Variants in COL12A1 observed in about 807,000 individuals in gnomAD.
COL12A1 encodes the protein collagen type XII alpha 1 chain.
In COL12A1, 114 loss-of-function variants were observed where a neutral mutation model predicts 349.7. The observed-to-expected ratio is 0.33, with a 90% CI of 0.28 to 0.38. The LOEUF (loss-of-function observed/expected upper bound fraction) is 0.38. Among genes scored for constraint, COL12A1 ranks in the 10% least tolerant of loss-of-function variants. COL12A1 has a pLI of 1.00. For synonymous variants in COL12A1, 1,369 were observed against 1,329.0 expected (o/e 1.03, Z -0.66); for missense variants, 3,284 against 3,756.9 (o/e 0.87, Z 3.29).
Position 75,177,891 on chromosome 6 carries a change from C to T in COL12A1, c.2209G>A (p.Asp737Asn). Residue 737 changes from aspartate (D) to asparagine (N), a missense_variant, in exon 12 of 66, where the codon GAT (aspartate) becomes AAT (asparagine). By Grantham distance (23) the Asp-to-Asn change is conservative (BLOSUM62 1). Transcript: ENST00000322507. ...RNLKVTDETT[D>N]SFKITWTQAP... ...TGAGTCCAAGTAATTTTGAAACTAT[C>T]TGTAGTCTCATCTGTCACCTTTAGG... 6.2e-7 allele frequency: 1 copy of T among 1,612,964 alleles called. No individual in the cohort carries two copies. The highest frequency in any genetic ancestry group is 2.2e-5 in the East Asian group (1 of 44,874).
intron 26 of COL12A1, 143 bp from the exon 27 acceptor site, chr6:75,142,304 A>G: frequency 2.1e-6 from 2 of 940,744 alleles, no homozygotes; most frequent in Non-Finnish European, 3.2e-6. Flanking sequence ...ATGAGAATCC[A>G]GAAACTGGAC....
intron 57 of COL12A1, 122 bp from the exon 58 acceptor site, chr6:75,101,775 G>C: frequency 8.5e-7 from 1 of 1,173,756 alleles, no homozygotes; most frequent in South Asian, 1.5e-5. Context: ...CAGGAGAACA[G>C]AGCCAAGCAC....
At chr6:75,098,114 T>A (rs1457437273) in intron 58 of COL12A1, among the ~76,000 whole-genome samples, 2 of 152,240 alleles carry the variant, frequency 1.3e-5, no homozygotes, top group Non-Finnish European at 2.9e-5. Flanking sequence ...CATGAAAGTT[T>A]ACTACACATT....
In COL12A1 at chr6:75,175,280, G is replaced by A; in HGVS notation, c.2468C>T (p.Ser823Phe). ...VRGNPRDLRV[S>F]DPTTSTMKLS... The stretch of plus-strand genomic sequence containing the variant: ...TTTCATAGTAGACGTCGTAGGGTCA[G>A]AAACTCTTAAGTCTCTTGGATTCCC... Residue 823 changes from serine (S) to phenylalanine (F), a missense_variant, in exon 13 of 66, where the codon TCT (serine) becomes TTT (phenylalanine). Physicochemically the swap from Ser to Phe is radical, Grantham distance 155 (BLOSUM62 -2). Coordinates refer to ENST00000322507, the MANE Select transcript of COL12A1 (RefSeq NM_004370.6). 6.2e-7 allele frequency: 1 copy of A among 1,614,192 alleles called. No homozygotes were observed. The highest frequency in any genetic ancestry group is 1.3e-5 in the African/African-American group (1 of 75,058).
intron 3 of COL12A1, among the ~76,000 whole-genome samples, 197 bp from the exon 4 acceptor site, chr6:75,192,552 T>C (rs546654885): frequency 6.6e-6 from 1 of 152,256 alleles, no homozygotes; most frequent in East Asian, 1.9e-4. Context: ...GGACTGGTAT[T>C]GCTTTTATTT....
intron 52 of COL12A1, among the ~76,000 whole-genome samples, chr6:75,108,433 A>G: frequency 6.6e-6 from 1 of 152,084 alleles, no homozygotes; most frequent in South Asian, 2.1e-4. Context: ...TATGATGACA[A>G]CTTTAGATTT....
In COL12A1 at chr6:75,175,254, A is replaced by G; in HGVS notation, c.2494T>C (p.Leu832=). 6.2e-7 allele frequency: 1 copy of G among 1,614,160 alleles called. No homozygotes were observed. The highest frequency in any genetic ancestry group is 8.5e-7 in the Non-Finnish European group (1 of 1,180,032). ...VSDPTTSTMK[L]SWSGAPGKVK... is the part of the protein sequence containing the mutation. The stretch of plus-strand genomic sequence containing the variant: ...TTTCCTGGTGCCCCACTCCAAGATA[A>G]TTTCATAGTAGACGTCGTAGGGTCA... The change falls in exon 13 of 66, where the codon TTA becomes CTA. Residue 832 remains leucine (L), a synonymous_variant. Coordinates refer to ENST00000322507, the MANE Select transcript of COL12A1 (RefSeq NM_004370.6).
intron 17 of COL12A1, 143 bp from the exon 18 acceptor site, chr6:75,152,625 C>CCTG: frequency 1.2e-6 from 1 of 841,190 alleles, no homozygotes; most frequent in Non-Finnish European, 1.8e-6. Flanking sequence ...GAGTATAAGA[C>CCTG]TCTGAAAATA....
chr6:75,197,759 G>A (rs1283534357), intron 2 of COL12A1, among the ~76,000 whole-genome samples: 1 of 152,140 alleles, frequency 6.6e-6, no homozygotes, highest in African/African-American at 2.4e-5. Context: ...CCTGAATACT[G>A]ACAGTAAAGA....
rs1016330772 is a variant in COL12A1 at position 75,090,482 on chromosome 6, C to T, written c.8753-184G>A. On this transcript the variant is annotated intron_variant, in intron 62 of 65. Coordinates refer to ENST00000322507, the MANE Select transcript of COL12A1 (RefSeq NM_004370.6). This position sits in a 1 kb window ranked among gnomAD's most constrained non-coding sequence, Gnocchi z 4.1. The stretch of plus-strand genomic sequence containing the variant: ...CTAATCATCGAGGACAAAATGGTCC[C>T]TGATAAATAACTGTTTCCACAAAAT... Among the ~76,000 whole-genome samples the T allele has an allele frequency of 3.3e-5, 5 of 152,166 alleles. No individual in the cohort carries two copies. The highest frequency in any genetic ancestry group is 7.2e-5 in the African/African-American group (3 of 41,542).
At chr6:75,181,685 G>C (rs1456788575) in intron 10 of COL12A1, among the ~76,000 whole-genome samples, 2 of 151,902 alleles carry the variant, frequency 1.3e-5, no homozygotes, top group African/African-American at 2.4e-5. Flanking sequence ...AAACTTAGCA[G>C]TTATTAAACT....
chr6:75,117,350 G>C (rs752504540), intron 47 of COL12A1, 32 bp downstream of exon 47: 2 of 1,603,918 alleles, frequency 1.2e-6, no homozygotes, highest in Non-Finnish European at 1.7e-6. Context: ...CAGAATAAGT[G>C]AGGTTATAGA....
intron 22 of COL12A1, 99 bp downstream of exon 22, chr6:75,148,259 A>G: frequency 8.2e-7 from 1 of 1,216,392 alleles, no homozygotes; most frequent in Admixed American, 2.4e-5. Flanking sequence ...GCCCCTCTTC[A>G]TCCCTCTTGC....
chr6:75,157,173 T>C (rs942375738), intron 14 of COL12A1, among the ~76,000 whole-genome samples: 30 of 152,176 alleles, frequency 2.0e-4, no homozygotes, highest in African/African-American at 6.3e-4. Flanking sequence ...CGTTTACTAA[T>C]ATTTCACAAT....
chr6:75,103,541 T>C (rs1768403590), intron 55 of COL12A1, among the ~76,000 whole-genome samples: 1 of 152,220 alleles, frequency 6.6e-6, no homozygotes, highest in Non-Finnish European at 1.5e-5. Flanking sequence ...CATGTGTAAT[T>C]GTTACAGCTA....
intron 8 of COL12A1, among the ~76,000 whole-genome samples, chr6:75,187,296 C>A (rs1031670297): frequency 1.9e-4 from 28 of 151,054 alleles, no homozygotes; most frequent in African/African-American, 6.1e-4. Context: ...AAGAGAGAAG[C>A]CTTAGATTAG....
chr6:75,117,729 G>T, intron 46 of COL12A1, 183 bp from the exon 47 acceptor site: 3 of 537,918 alleles, frequency 5.6e-6, no homozygotes, highest in South Asian at 6.6e-5. Flanking sequence ...TCTATTTTCT[G>T]GTCTAAAGAA....
In COL12A1 at chr6:75,104,889, C is replaced by T. The variant is rs969478666; in HGVS notation, c.8265+317G>A. Among the ~76,000 whole-genome samples the T allele has an allele frequency of 7.2e-5, 11 of 152,152 alleles. 1 individual carries two copies. Among genetic ancestry groups the T allele is most frequent in the South Asian group, 4.1e-4 (2 of 4,822 alleles). On this transcript the variant is annotated intron_variant, in intron 54 of 65. Transcript: ENST00000322507. ...AAACATATAAGAAGCTTTCAGGAGA[C>T]GTAAGGAATTTTCAGTCATGTAATT... is the stretch of plus-strand genomic sequence containing the variant.
At chr6:75,177,998 C>CA in intron 11 of COL12A1, 63 bp from the exon 12 acceptor site, 1 of 1,441,964 alleles carries the variant, frequency 6.9e-7, no homozygotes, top group Non-Finnish European at 9.3e-7. Flanking sequence ...ATGAAAAATA[C>CA]AAAAATTACC....
Sources: gnomAD v4.1 joint callset for allele counts (sites outside exome capture counted in the v4.1 genomes callset) on GRCh38, gnomAD v4.1.1 for gene constraint, Gnocchi (gnomAD v3.1) non-coding constraint, MANE v1.5 for transcripts, NCBI Gene and HGNC (gene_info 2026-07-23, HGNC 2026-07-21) for gene names.